ASB17: variants seen among roughly 807,000 people sequenced by gnomAD.
The protein encoded by ASB17 is ankyrin repeat and SOCS box containing 17, also known as ankyrin repeat and SOCS box protein 17.
In ASB17, 26 loss-of-function variants were observed where a neutral mutation model predicts 25.7. That is an observed-to-expected ratio of 1.01 (90% confidence interval 0.74 to 1.40). The LOEUF (loss-of-function observed/expected upper bound fraction) is 1.40, where lower values mean the gene tolerates loss of function less well. Ranked by LOEUF, ASB17 falls within the 40% of genes most tolerant of loss-of-function variation. The pLI is 0.00. For synonymous variants in ASB17, 128 were observed against 121.4 expected (o/e 1.05, Z -0.36); for missense variants, 326 against 338.5 (o/e 0.96, Z 0.29).
chr1:75,927,650 C>T (rs1342044993), intron 1 of ASB17, among the ~76,000 whole-genome samples: 1 of 151,418 alleles, frequency 6.6e-6, no homozygotes, highest in African/African-American at 2.4e-5. Flanking sequence ...TCTCTAACCA[C>T]CCCCCTTTAA....
intron 1 of ASB17, among the ~76,000 whole-genome samples, chr1:75,929,209 T>TTTATTTA (rs1557545274): frequency 1.3e-5 from 2 of 151,236 alleles, no homozygotes; most frequent in South Asian, 4.2e-4. Context: ...TTTTATTTTT[T>TTTATTTA]TTTATTTATT....
At chr1:75,919,904 T>C (rs552223447) in intron 2 of ASB17, among the ~76,000 whole-genome samples, 1 of 152,364 alleles carries the variant, frequency 6.6e-6, no homozygotes, top group African/African-American at 2.4e-5. Context: ...ATATACCCAG[T>C]AATGGGATGG....
chr1:75,928,930 A>G (rs866772519), intron 1 of ASB17, among the ~76,000 whole-genome samples: 1 of 152,194 alleles, frequency 6.6e-6, no homozygotes, highest in Non-Finnish European at 1.5e-5. Context: ...AAACTACTGT[A>G]ATGACTGAGT....
At chr1:75,921,931 C>T in intron 2 of ASB17, 149 bp downstream of exon 2, 4 of 642,638 alleles carry the variant, frequency 6.2e-6, no homozygotes, top group Non-Finnish European at 1.0e-5. Context: ...TTGAGATTTT[C>T]CCTATTATTT....
chr1:75,922,485 T>TTTA, intron 1 of ASB17, 126 bp from the exon 2 acceptor site: 19 of 403,000 alleles, frequency 4.7e-5, no homozygotes, highest in Non-Finnish European at 6.3e-5. Context: ...ACTTTATATG[T>TTTA]TTCTTTTTTT....
At chr1:75,920,511 A>G (rs568033466) in intron 2 of ASB17, among the ~76,000 whole-genome samples, 1 of 152,234 alleles carries the variant, frequency 6.6e-6, no homozygotes, top group South Asian at 2.1e-4. Flanking sequence ...CTCACGGTGT[A>G]GAGGTAGAAA....
At chr1:75,919,261 A>C (rs1652964180) in intron 2 of ASB17, 103 bp from the exon 3 acceptor site, 2 of 832,060 alleles carry the variant, frequency 2.4e-6, no homozygotes, top group East Asian at 2.8e-5. Flanking sequence ...ATAGACCATA[A>C]ATTTATAAAA....
At chr1:75,928,861 G>C (rs914077324) in intron 1 of ASB17, among the ~76,000 whole-genome samples, 1 of 152,154 alleles carries the variant, frequency 6.6e-6, no homozygotes, top group Non-Finnish European at 1.5e-5. Flanking sequence ...GCAAACCAAT[G>C]AAAAAGGAAC....
intron 2 of ASB17, 102 bp downstream of exon 2, chr1:75,921,978 A>T: frequency 2.0e-6 from 2 of 1,012,968 alleles, no homozygotes; most frequent in African/African-American, 1.6e-5. Context: ...CTGTCACTGG[A>T]CATATTCTAT....
chr1:75,922,357 G>C lies in ASB17; in HGVS notation c.404C>G (p.Thr135Ser). 6.4e-7 allele frequency: 1 copy of C among 1,568,248 alleles called. No individual in the cohort carries two copies. Among genetic ancestry groups the C allele is most frequent in the Non-Finnish European group, 8.6e-7 (1 of 1,158,018 alleles). ...RSCNLALIWRTFTPVYCPSPL... is the reference protein window; with the variant it reads ...RSCNLALIWRSFTPVYCPSPL... ...GCTTGGACAGTATACTGGTGTGAAA[G>C]TTCTGTGAATTAAACAAAACAAAAA... Residue 135 changes from threonine (T) to serine (S), a missense_variant and splice_region_variant, in exon 2 of 3, where the codon ACT becomes AGT. Thr to Ser is a moderately conservative substitution (Grantham distance 58). Coordinates refer to ENST00000284142, the MANE Select transcript of ASB17 (RefSeq NM_080868.3).
At chr1:75,923,928 A>G (rs1653096845) in intron 1 of ASB17, among the ~76,000 whole-genome samples, 1 of 152,168 alleles carries the variant, frequency 6.6e-6, no homozygotes, top group African/African-American at 2.4e-5. Context: ...ACACAGAGAT[A>G]AAAGATATAG....
At chr1:75,930,747 A>C (rs1199842532) in intron 1 of ASB17, among the ~76,000 whole-genome samples, 2 of 151,850 alleles carry the variant, frequency 1.3e-5, no homozygotes, top group African/African-American at 4.8e-5. Flanking sequence ...TTCCATTTTT[A>C]ATTTTTAAAA....
chr1:75,930,433 G>T (rs1369675559), intron 1 of ASB17, among the ~76,000 whole-genome samples: 1 of 150,788 alleles, frequency 6.6e-6, no homozygotes, highest in Non-Finnish European at 1.5e-5. Context: ...TAAGGAAATA[G>T]TTAACTCACT....
Position 75,932,297 on chromosome 1 carries a change from C to A in ASB17, c.-6G>T. The A allele has an allele frequency of 6.3e-7, 1 of 1,593,938 alleles. No individual in the cohort carries two copies. Among genetic ancestry groups the A allele is most frequent in the Admixed American group, 1.7e-5 (1 of 58,090 alleles). ...AATTTAGTAGATTTACTCATTGTTA[C>A]TTATAGCAGCACTGTAGAAATAAAA... On this transcript the variant is annotated 5_prime_UTR_variant, in exon 1 of 3. Coordinates refer to ENST00000284142, the MANE Select transcript of ASB17 (RefSeq NM_080868.3).
intron 1 of ASB17, among the ~76,000 whole-genome samples, chr1:75,925,252 A>G (rs1689270): frequency 0.22 from 34,106 of 151,958 alleles, 4,429 homozygotes; most frequent in Middle Eastern, 0.35. Flanking sequence ...AATCACTTAA[A>G]CTTTTCAAAG....
In ASB17 at chr1:75,919,091, T is replaced by C. The variant is rs1652959215; in HGVS notation, c.749A>G (p.Tyr250Cys). The change falls in exon 3 of 3, where the codon TAC becomes TGC. Residue 250 changes from tyrosine (Y) to cysteine (C), a missense_variant. By Grantham distance (194) the Tyr-to-Cys change is radical. Transcript: ENST00000284142. ...ATGTAATAGTTCACATGGATCTTTG[T>C]ATCTTGTTGAAGGAATGTAATCAAA... ...NWFDYIPSTR[Y>C]KDPCELLHLC... The C allele has an allele frequency of 6.2e-7, 1 of 1,612,880 alleles. No homozygotes were observed. Among genetic ancestry groups the C allele is most frequent in the African/African-American group, 1.3e-5 (1 of 74,910 alleles).
chr1:75,924,804 C>G (rs1653126194), intron 1 of ASB17, among the ~76,000 whole-genome samples: 2 of 151,950 alleles, frequency 1.3e-5, no homozygotes, highest in South Asian at 4.2e-4. Flanking sequence ...GTTCTTCTCC[C>G]CTGCCTTTTT....
chr1:75,919,112 T>C lies in ASB17; in HGVS notation c.728A>G (p.Asp243Gly), dbSNP rs1652960074. 1 of 1,613,080 alleles carries C rather than the reference T, an allele frequency of 6.2e-7. No homozygotes were observed. The highest frequency in any genetic ancestry group is 1.3e-5 in the African/African-American group (1 of 74,908). ...GRHPIISNWFDYIPSTRYKDP... is the reference protein window; with the variant it reads ...GRHPIISNWFGYIPSTRYKDP... Reference sequence around the variant, plus strand: ...TTTGTATCTTGTTGAAGGAATGTAATCAAACCAATTTGAAATAATTGGATG... The same window carrying C: ...TTTGTATCTTGTTGAAGGAATGTAACCAAACCAATTTGAAATAATTGGATG... Residue 243 changes from aspartate (D) to glycine (G), a missense_variant, in exon 3 of 3, where the codon GAT becomes GGT. Coordinates refer to ENST00000284142, the MANE Select transcript of ASB17 (RefSeq NM_080868.3).
chr1:75,920,494 T>C (rs1186481594), intron 2 of ASB17, among the ~76,000 whole-genome samples: 1 of 152,206 alleles, frequency 6.6e-6, no homozygotes, highest in Non-Finnish European at 1.5e-5. Flanking sequence ...CCTCTGTGCT[T>C]ACAAGACTCA....
Sources: allele counts gnomAD v4.1 joint callset (sites outside exome capture counted in the v4.1 genomes callset), GRCh38; gene constraint gnomAD v4.1.1; transcripts MANE v1.5; gene names NCBI Gene and HGNC (gene_info 2026-07-23, HGNC 2026-07-21).